Variants in ZNF521 observed in about 807,000 individuals in gnomAD.
ZNF521 encodes the protein LYST-interacting protein 3.
Under a neutral mutation model 105.5 loss-of-function variants are expected in ZNF521, and 14 were observed. The ratio of observed to expected loss-of-function variants is 0.13; its 90% confidence interval spans 0.09 to 0.21. ZNF521 has a LOEUF of 0.21. Ranked by LOEUF, ZNF521 falls within the 10% of genes least tolerant of loss-of-function variation. The pLI is 1.00. For missense variants in ZNF521, 1,233 were observed against 1,629.7 expected, an observed-to-expected ratio of 0.76 and a Z score of 4.19; for synonymous variants, 635 against 606.0, an observed-to-expected ratio of 1.05 and a Z score of -0.70.
At chr18:25,291,660 T>C (rs1911029271) in intron 3 of ZNF521, among the ~76,000 whole-genome samples, 1 of 152,150 alleles carries the variant, frequency 6.6e-6, no homozygotes, top group Non-Finnish European at 1.5e-5. Flanking sequence ...AGTCAATAAA[T>C]GCCACAGATC....
At chr18:25,224,313 T>G in intron 4 of ZNF521, 32 bp downstream of exon 4, 1 of 1,572,892 alleles carries the variant, frequency 6.4e-7, no homozygotes, top group Non-Finnish European at 8.7e-7. Flanking sequence ...CTTGAGGAGG[T>G]TAAATAGCAA....
At chr18:25,228,956 C>T (rs1355778891) in intron 3 of ZNF521, among the ~76,000 whole-genome samples, 2 of 152,044 alleles carry the variant, frequency 1.3e-5, no homozygotes, top group Non-Finnish European at 2.9e-5. Flanking sequence ...TTCAAAAAAA[C>T]ACACAAGTAA....
At chr18:25,126,797 A>G (rs1025328059) in intron 5 of ZNF521, among the ~76,000 whole-genome samples, 2 of 152,134 alleles carry the variant, frequency 1.3e-5, no homozygotes, top group African/African-American at 4.8e-5. Flanking sequence ...AAAATTAAAA[A>G]TTAAAAAAAC....
chr18:25,328,311 C>T (rs1253302618), intron 2 of ZNF521, among the ~76,000 whole-genome samples: 1 of 151,776 alleles, frequency 6.6e-6, no homozygotes, highest in African/African-American at 2.4e-5. Context: ...TCAAGGAGAA[C>T]ATGCCAATTG....
intron 7 of ZNF521, among the ~76,000 whole-genome samples, chr18:25,066,500 G>A (rs774344340): frequency 3.9e-5 from 6 of 152,200 alleles, no homozygotes; most frequent in Non-Finnish European, 5.9e-5. Flanking sequence ...GAACAGATGC[G>A]AAGTCCTAGT....
At chr18:25,243,112 T>C (rs1907459259) in intron 3 of ZNF521, among the ~76,000 whole-genome samples, 1 of 152,204 alleles carries the variant, frequency 6.6e-6, no homozygotes, top group Non-Finnish European at 1.5e-5. Context: ...GATTTTGGAA[T>C]GCTTCATCTG....
At chr18:25,278,942 A>G (rs1304030139) in intron 3 of ZNF521, among the ~76,000 whole-genome samples, 1 of 152,144 alleles carries the variant, frequency 6.6e-6, no homozygotes, top group African/African-American at 2.4e-5. Flanking sequence ...CTCTTTTTCT[A>G]AACTTTTAGT....
intron 5 of ZNF521, among the ~76,000 whole-genome samples, chr18:25,182,984 T>C (rs1285532888): frequency 6.6e-6 from 1 of 152,202 alleles, no homozygotes; most frequent in Non-Finnish European, 1.5e-5. Context: ...CTAAGGCTCC[T>C]AGATACCAAT....
chr18:25,217,443 T>G (rs184610540), intron 4 of ZNF521, among the ~76,000 whole-genome samples: 25 of 152,264 alleles, frequency 1.6e-4, no homozygotes, highest in Admixed American at 9.2e-4. Context: ...GTTTCTTGCT[T>G]GAGTAATTGG....
intron 5 of ZNF521, among the ~76,000 whole-genome samples, chr18:25,138,054 G>A (rs2034770110): frequency 6.6e-6 from 1 of 152,116 alleles, no homozygotes; most frequent in Non-Finnish European, 1.5e-5. Flanking sequence ...CACTGGGATA[G>A]GGCCTCCGCT....
intron 3 of ZNF521, among the ~76,000 whole-genome samples, chr18:25,310,001 G>C (rs1197882214): frequency 6.6e-6 from 1 of 152,090 alleles, no homozygotes. Flanking sequence ...GAATGATAGA[G>C]ATAGGTAAGT....
intron 5 of ZNF521, among the ~76,000 whole-genome samples, chr18:25,192,445 T>A (rs2035834462): frequency 6.6e-6 from 1 of 152,076 alleles, no homozygotes; most frequent in South Asian, 2.1e-4. Context: ...CAAACATAGG[T>A]GCCACAGGAG....
intron 3 of ZNF521, among the ~76,000 whole-genome samples, chr18:25,235,724 C>T (rs555959002): frequency 5.3e-5 from 8 of 152,260 alleles, no homozygotes; most frequent in African/African-American, 1.2e-4. Flanking sequence ...GCAGTAGTAA[C>T]GCCAACATGA....
intron 3 of ZNF521, among the ~76,000 whole-genome samples, chr18:25,305,074 G>A (rs1016544148): frequency 3.3e-5 from 5 of 151,998 alleles, no homozygotes; most frequent in Non-Finnish European, 4.4e-5. Flanking sequence ...GTCATTTGTC[G>A]CACAAATGCA....
chr18:25,163,840 G>A (rs533430108), intron 5 of ZNF521, among the ~76,000 whole-genome samples: 30 of 152,212 alleles, frequency 2.0e-4, no homozygotes, highest in African/African-American at 6.7e-4. Flanking sequence ...TCTTTCCCTC[G>A]CGACATATCA....
chr18:25,289,401 T>C (rs1467369894), intron 3 of ZNF521, among the ~76,000 whole-genome samples: 1 of 152,216 alleles, frequency 6.6e-6, no homozygotes, highest in Non-Finnish European at 1.5e-5. Context: ...TCAGTGATTA[T>C]GCGAACAGAA....
At chr18:25,348,550 C>G (rs1349529592) in intron 2 of ZNF521, among the ~76,000 whole-genome samples, 1 of 152,126 alleles carries the variant, frequency 6.6e-6, no homozygotes, top group African/African-American at 2.4e-5. Context: ...AAAGCCCAGC[C>G]AGCCCACCTG....
chr18:25,322,160 G>A lies in ZNF521; in HGVS notation c.68C>T (p.Thr23Ile). 2 of 1,614,114 alleles carry A rather than the reference G, an allele frequency of 1.2e-6. No individual in the cohort carries two copies. Among genetic ancestry groups the A allele is most frequent in the South Asian group, 1.1e-5 (1 of 91,080 alleles). Residue 23 changes from threonine to isoleucine, a missense_variant, in exon 3 of 8, where the codon ACT (threonine) becomes ATT (isoleucine). This residue lies in a region of ZNF521 where 76 missense variants were observed against 79.3 expected (regional missense o/e 0.96). Transcript: ENST00000361524. ...KDPNCKLEDK[T>I]EDGEALDCKK... is the part of the protein sequence containing the mutation. ...ACAATCTAGTGCCTCTCCATCTTCA[G>A]TCTTGTCTTCAAGTTTACAGTTGGG...
intron 2 of ZNF521, among the ~76,000 whole-genome samples, chr18:25,326,129 A>G (rs1480638500): frequency 2.6e-5 from 4 of 152,184 alleles, no homozygotes; most frequent in Non-Finnish European, 1.5e-5. Context: ...ACTTTTTATA[A>G]CCTATATAAA....
Sources: gnomAD v4.1 joint callset for allele counts (sites outside exome capture counted in the v4.1 genomes callset) on GRCh38, gnomAD v4.1.1 for gene constraint, gnomAD v4.1.1 regional missense constraint, MANE v1.5 for transcripts, NCBI Gene and HGNC (gene_info 2026-07-23, HGNC 2026-07-21) for gene names.